Variants in CACNA1C observed in about 807,000 individuals in gnomAD.
CACNA1C encodes calcium voltage-gated channel subunit alpha1 C.
In CACNA1C, 30 loss-of-function variants were observed where a neutral mutation model predicts 229.0. The ratio of observed to expected loss-of-function variants is 0.13; its 90% confidence interval spans 0.10 to 0.18. The LOEUF is 0.18. Among genes scored for constraint, CACNA1C ranks in the 10% least tolerant of loss-of-function variants. CACNA1C has a pLI of 1.00. For missense variants in CACNA1C, 1,658 were observed against 2,845.0 expected (o/e 0.58, Z 9.49); for synonymous variants, 1,114 against 1,132.5 (o/e 0.98, Z 0.33).
At chr12:2,325,974 A>G (rs1354684478) in intron 3 of CACNA1C, among the ~76,000 whole-genome samples, 2 of 152,172 alleles carry the variant, frequency 1.3e-5, no homozygotes, top group Non-Finnish European at 2.9e-5. Flanking sequence ...CACGGCAAAC[A>G]TCAGCCTGGC....
intron 1 of CACNA1C, among the ~76,000 whole-genome samples, chr12:2,028,918 G>A (rs575275028): frequency 2.0e-5 from 3 of 152,260 alleles, no homozygotes; most frequent in South Asian, 2.1e-4. Context: ...CTAAGTTTCC[G>A]TTAGATACTC....
chr12:2,593,992 C>G (rs1277217748), intron 19 of CACNA1C, among the ~76,000 whole-genome samples: 1 of 152,168 alleles, frequency 6.6e-6, no homozygotes, highest in African/African-American at 2.4e-5. Flanking sequence ...TTGCTGTGTA[C>G]ACGATTTTAG....
chr12:2,667,982 G>C (rs1330481730), intron 37 of CACNA1C, among the ~76,000 whole-genome samples: 1 of 152,240 alleles, frequency 6.6e-6, no homozygotes, highest in Admixed American at 6.5e-5. Flanking sequence ...CCTGTTCTGG[G>C]GGTGTGTGCT....
intron 3 of CACNA1C, among the ~76,000 whole-genome samples, chr12:2,409,745 C>T (rs533803682): frequency 6.6e-6 from 1 of 152,210 alleles, no homozygotes; most frequent in African/African-American, 2.4e-5. Context: ...GCAGTGTTCA[C>T]CCTAGCAAGG....
chr12:2,566,799 G>A lies in CACNA1C; in HGVS notation c.1669+217G>A. Among the ~76,000 whole-genome samples the A allele has an allele frequency of 6.6e-6, 1 of 152,166 alleles. No homozygotes were observed. The highest frequency in any genetic ancestry group is 1.5e-5 in the Non-Finnish European group (1 of 68,022). ...AAAAACAGACACGGCTCTCCTGACTGGGCCCACACCATCAGCCTGCCCCAA... is the reference window on the plus strand; with the variant it reads ...AAAAACAGACACGGCTCTCCTGACTAGGCCCACACCATCAGCCTGCCCCAA... On this transcript the variant is annotated intron_variant, in intron 12 of 46. Coordinates refer to ENST00000399655, the MANE Select transcript of CACNA1C (RefSeq NM_000719.7). The surrounding 1 kb of genome is among the most constrained non-coding windows in gnomAD (Gnocchi z 4.0).
chr12:2,425,452 T>C (rs1237994040), intron 3 of CACNA1C, among the ~76,000 whole-genome samples: 1 of 152,236 alleles, frequency 6.6e-6, no homozygotes, highest in Non-Finnish European at 1.5e-5. Context: ...TTCTTAAATT[T>C]ATAACATAGA....
At chr12:2,358,305 G>C (rs762019330) in intron 3 of CACNA1C, among the ~76,000 whole-genome samples, 7,387 of 127,124 alleles carry the variant, frequency 0.058, 305 homozygotes, top group East Asian at 0.15. Context: ...GTGTGTGTGT[G>C]TGTCTCTTTG....
intron 7 of CACNA1C, among the ~76,000 whole-genome samples, chr12:2,503,188 C>A (rs981358553): frequency 2.6e-5 from 4 of 152,162 alleles, no homozygotes; most frequent in Admixed American, 1.3e-4. Flanking sequence ...TGGGCCTTCC[C>A]CACAGTGTCA....
chr12:2,426,870 G>A (rs75907886), intron 3 of CACNA1C, among the ~76,000 whole-genome samples: 5 of 152,130 alleles, frequency 3.3e-5, no homozygotes, highest in African/African-American at 1.2e-4. Flanking sequence ...TGGAAGAAAA[G>A]TTCTCAGTGT....
At chr12:2,381,288 G>A (rs1358611376) in intron 3 of CACNA1C, among the ~76,000 whole-genome samples, 2 of 152,194 alleles carry the variant, frequency 1.3e-5, no homozygotes, top group Non-Finnish European at 2.9e-5. Flanking sequence ...GATTCTCAGA[G>A]GTCCCTGAAC....
chr12:2,291,051 C>G (rs949037935), intron 3 of CACNA1C, among the ~76,000 whole-genome samples: 1 of 152,214 alleles, frequency 6.6e-6, no homozygotes, highest in Non-Finnish European at 1.5e-5. Context: ...GTGCAGGGCA[C>G]TAGAACTTGC....
chr12:1,983,726 A>G (rs1401616219), intron 1 of CACNA1C, among the ~76,000 whole-genome samples: 1 of 152,054 alleles, frequency 6.6e-6, no homozygotes, highest in African/African-American at 2.4e-5. Flanking sequence ...AATATAAATG[A>G]CAGCTGTGTT....
intron 3 of CACNA1C, among the ~76,000 whole-genome samples, chr12:2,148,810 AC>A (rs1245420776): frequency 4.3e-5 from 6 of 140,604 alleles, no homozygotes; most frequent in Non-Finnish European, 9.8e-5. Flanking sequence ...CCTCCAAAGT[AC>A]CCTCCCTCCC....
intron 1 of CACNA1C, among the ~76,000 whole-genome samples, chr12:2,062,989 A>C (rs548445550): frequency 2.0e-5 from 3 of 152,154 alleles, no homozygotes; most frequent in Non-Finnish European, 4.4e-5. Context: ...GATGTGTATG[A>C]TTCAGTGGTC....
chr12:2,264,175 CCGCTGGAA>C (rs2081408133), intron 3 of CACNA1C, among the ~76,000 whole-genome samples: 1 of 152,168 alleles, frequency 6.6e-6, no homozygotes, highest in Non-Finnish European at 1.5e-5. Flanking sequence ...GGTGAGGACC[CCGCTGGAA>C]CTGGAATGGA....
chr12:2,504,316 A>G lies in CACNA1C; in HGVS notation c.1114-526A>G, dbSNP rs912828102. The G allele has an allele frequency of 2.4e-5, 16 of 664,472 alleles. No homozygotes were observed. In the African/African-American group the frequency reaches 2.7e-4, roughly 11 times the overall value. The allele number at this position is 664,472 out of a possible 1,614,324, so 41.2% of individuals were successfully genotyped here. A position where few individuals can be genotyped will look rare whatever the true frequency, so the allele number is the denominator to read the frequency against. ...GGGTAACACGGGTAACCTGGTGCAC[A>G]TGAACAAAGCCCACGTTCAGCCCCG... is the stretch of plus-strand genomic sequence containing the variant. On this transcript the variant is annotated intron_variant, in intron 7 of 46. Coordinates refer to ENST00000399655, the MANE Select transcript of CACNA1C (RefSeq NM_000719.7). The surrounding 1 kb of genome is among the most constrained non-coding windows in gnomAD (Gnocchi z 6.8).
chr12:2,421,761 A>G (rs903193855), intron 3 of CACNA1C, among the ~76,000 whole-genome samples: 6 of 152,160 alleles, frequency 3.9e-5, no homozygotes, highest in African/African-American at 1.4e-4. Flanking sequence ...AATACAAAAA[A>G]TTAGCTGGGT....
chr12:2,463,598 T>A (rs914898568), intron 5 of CACNA1C, among the ~76,000 whole-genome samples: 1 of 152,176 alleles, frequency 6.6e-6, no homozygotes, highest in Non-Finnish European at 1.5e-5. Context: ...GAGAGCCTTC[T>A]TGGAGAAGGT....
chr12:2,341,175 G>A (rs906311869), intron 3 of CACNA1C, among the ~76,000 whole-genome samples: 1 of 152,170 alleles, frequency 6.6e-6, no homozygotes, highest in African/African-American at 2.4e-5. Flanking sequence ...TGAGGGGAGT[G>A]CTGGGGCACT....
Sources: gnomAD v4.1 joint callset for allele counts (sites outside exome capture counted in the v4.1 genomes callset) on GRCh38, gnomAD v4.1.1 for gene constraint, Gnocchi (gnomAD v3.1) non-coding constraint, MANE v1.5 for transcripts, NCBI Gene and HGNC (gene_info 2026-07-23, HGNC 2026-07-21) for gene names.